Variants in FOXP1 observed in about 807,000 individuals in gnomAD.
The protein encoded by FOXP1 is forkhead box P1.
In FOXP1, 15 loss-of-function variants were observed where a neutral mutation model predicts 98.2. That is an observed-to-expected ratio of 0.15 (90% CI 0.10 to 0.24). The LOEUF (loss-of-function observed/expected upper bound fraction) is 0.24. Among genes scored for constraint, FOXP1 ranks in the 10% least tolerant of loss-of-function variants. FOXP1 has a pLI of 1.00. For missense variants in FOXP1, 633 were observed against 848.5 expected, an observed-to-expected ratio of 0.75 and a Z score of 3.15; for synonymous variants, 371 against 314.5, an observed-to-expected ratio of 1.18 and a Z score of -1.90.
At chr3:71,519,758 A>T (rs1341105615) in intron 2 of FOXP1, among the ~76,000 whole-genome samples, 2 of 152,266 alleles carry the variant, frequency 1.3e-5, no homozygotes, top group Non-Finnish European at 2.9e-5. Flanking sequence ...TGGTGTAAGT[A>T]CTTTAAATGA....
intron 4 of FOXP1, among the ~76,000 whole-genome samples, chr3:71,352,761 G>C (rs1295372603): frequency 6.6e-6 from 1 of 152,126 alleles, no homozygotes; most frequent in African/African-American, 2.4e-5. Context: ...AAAAACTGCT[G>C]TTTATTGAGA....
At chr3:71,400,936 T>A (rs931225470) in intron 3 of FOXP1, among the ~76,000 whole-genome samples, 2 of 152,124 alleles carry the variant, frequency 1.3e-5, no homozygotes, top group African/African-American at 4.8e-5. Context: ...AGGAGGGAAG[T>A]CTACGTCTCA....
At chr3:71,226,897 G>T (rs189163502) in intron 5 of FOXP1, among the ~76,000 whole-genome samples, 2 of 152,248 alleles carry the variant, frequency 1.3e-5, no homozygotes, top group Admixed American at 6.5e-5. Flanking sequence ...TCAGACTGGG[G>T]TAAGAGCCAA....
At chr3:71,448,423 T>G (rs1458479807) in intron 3 of FOXP1, among the ~76,000 whole-genome samples, 1 of 152,176 alleles carries the variant, frequency 6.6e-6, no homozygotes, top group Non-Finnish European at 1.5e-5. Context: ...AAAGACAAAC[T>G]GTACCTATAA....
At chr3:71,460,333 G>A (rs1222796475) in intron 3 of FOXP1, among the ~76,000 whole-genome samples, 7 of 151,984 alleles carry the variant, frequency 4.6e-5, no homozygotes, top group African/African-American at 1.5e-4. Context: ...TCCACCTCCT[G>A]GATTCAAGCG....
intron 5 of FOXP1, among the ~76,000 whole-genome samples, chr3:71,283,144 AG>A (rs2071741682): frequency 6.6e-6 from 1 of 152,164 alleles, no homozygotes; most frequent in Admixed American, 6.5e-5. Context: ...AGAGAGGGAG[AG>A]GAAGTGCACT....
At chr3:71,075,997 G>A (rs997521245) in intron 7 of FOXP1, among the ~76,000 whole-genome samples, 1 of 152,210 alleles carries the variant, frequency 6.6e-6, no homozygotes, top group Non-Finnish European at 1.5e-5. Context: ...TGGGATTACA[G>A]GAGTGAGCCA....
At chr3:71,179,971 C>A (rs1188195238) in intron 6 of FOXP1, among the ~76,000 whole-genome samples, 2 of 152,202 alleles carry the variant, frequency 1.3e-5, no homozygotes, top group Non-Finnish European at 2.9e-5. Flanking sequence ...GGATTTCACT[C>A]AGCTCTGGCA....
intron 5 of FOXP1, among the ~76,000 whole-genome samples, chr3:71,293,583 CT>C (rs2072987565): frequency 6.6e-6 from 1 of 151,960 alleles, no homozygotes; most frequent in Non-Finnish European, 1.5e-5. Context: ...CAAATATTGT[CT>C]TTACTACTAA....
At chr3:71,581,222 G>A in intron 2 of FOXP1, 1 of 985,338 alleles carries the variant, frequency 1.0e-6, no homozygotes, top group South Asian at 4.7e-5. Flanking sequence ...CAATGACTTG[G>A]AAATAATTAA....
At chr3:70,966,089 A>ACAG in intron 19 of FOXP1, 33 bp from the exon 20 acceptor site, 1 of 1,592,300 alleles carries the variant, frequency 6.3e-7, no homozygotes, top group Non-Finnish European at 8.6e-7. Flanking sequence ...TTATGAAGAC[A>ACAG]CAGGGTATGT....
intron 11 of FOXP1, among the ~76,000 whole-genome samples, chr3:71,030,753 T>C (rs1015957680): frequency 3.9e-5 from 6 of 152,192 alleles, no homozygotes; most frequent in Admixed American, 1.3e-4. Context: ...GTCTGTACAG[T>C]CCTCTAATTT....
intron 7 of FOXP1, among the ~76,000 whole-genome samples, chr3:71,094,105 C>T (rs937067836): frequency 6.6e-6 from 1 of 152,072 alleles, no homozygotes; most frequent in Non-Finnish European, 1.5e-5. Context: ...CTATAAAAGG[C>T]CAGAGAATAA....
At chr3:71,485,441 C>T (rs2090574553) in intron 3 of FOXP1, among the ~76,000 whole-genome samples, 1 of 152,142 alleles carries the variant, frequency 6.6e-6, no homozygotes, top group Admixed American at 6.5e-5. Context: ...ATTCAATATG[C>T]AACTTTTTAA....
intron 2 of FOXP1, among the ~76,000 whole-genome samples, chr3:71,497,807 G>A (rs2091520189): frequency 6.6e-6 from 1 of 152,124 alleles, no homozygotes. Flanking sequence ...TACAGCCCCA[G>A]AAGTACCTTG....
At chr3:71,398,231 C>A (rs1057382363) in intron 3 of FOXP1, among the ~76,000 whole-genome samples, 2 of 152,156 alleles carry the variant, frequency 1.3e-5, no homozygotes, top group Non-Finnish European at 2.9e-5. Flanking sequence ...TATGTCAAGT[C>A]GATGTGTGCA....
At chr3:71,146,926 G>A (rs1576025736) in intron 6 of FOXP1, among the ~76,000 whole-genome samples, 1 of 152,198 alleles carries the variant, frequency 6.6e-6, no homozygotes, top group Admixed American at 6.5e-5. Flanking sequence ...CATCACCAGC[G>A]AGCGCTGCTC....
chr3:71,402,339 C>T (rs2082004967), intron 3 of FOXP1, among the ~76,000 whole-genome samples: 1 of 152,062 alleles, frequency 6.6e-6, no homozygotes, highest in South Asian at 2.1e-4. Context: ...CCTGTAGTCC[C>T]AGCTACTTGG....
At chr3:71,366,885 T>C (rs2078965219) in intron 3 of FOXP1, among the ~76,000 whole-genome samples, 1 of 152,250 alleles carries the variant, frequency 6.6e-6, no homozygotes, top group African/African-American at 2.4e-5. Context: ...ACTTTAAGCC[T>C]TTACAAGAAA....
Sources: allele counts gnomAD v4.1 joint callset (sites outside exome capture counted in the v4.1 genomes callset), GRCh38; gene constraint gnomAD v4.1.1; transcripts MANE v1.5; gene names NCBI Gene and HGNC (gene_info 2026-07-23, HGNC 2026-07-21).